PCDH15: variants seen among roughly 807,000 people sequenced by gnomAD.
PCDH15 encodes protocadherin related 15.
A neutral mutation model predicts 178.5 loss-of-function variants in PCDH15; 129 were observed. That is an observed-to-expected ratio of 0.72 (90% CI 0.63 to 0.84). The LOEUF (loss-of-function observed/expected upper bound fraction) is 0.84, where lower values mean the gene tolerates loss of function less well. PCDH15 is among the 40% of genes least tolerant of loss of function. The probability of loss-of-function intolerance (pLI) is 0.00; values close to 1 mark genes in which losing one functional copy is unlikely to be tolerated. For synonymous variants in PCDH15, 800 were observed against 732.0 expected (o/e 1.09, Z -1.50); for missense variants, 2,230 against 2,099.9 (o/e 1.06, Z -1.21).
At chr10:54,467,615 T>C (rs919986910) in intron 3 of PCDH15, among the ~76,000 whole-genome samples, 4 of 147,744 alleles carry the variant, frequency 2.7e-5, no homozygotes, top group Non-Finnish European at 4.5e-5. Flanking sequence ...TTTTTTTTTT[T>C]TTTTTTTTTT....
intron 8 of PCDH15, among the ~76,000 whole-genome samples, chr10:54,280,360 T>A (rs2058616877): frequency 6.6e-6 from 1 of 150,682 alleles, no homozygotes; most frequent in Non-Finnish European, 1.5e-5. Context: ...CACAACCGGG[T>A]GTCTCTATCT....
At chr10:54,058,151 C>T (rs1182245802) in intron 18 of PCDH15, among the ~76,000 whole-genome samples, 1 of 152,166 alleles carries the variant, frequency 6.6e-6, no homozygotes, top group African/African-American at 2.4e-5. Context: ...CTTCTGAGCC[C>T]TCCAAACTGT....
chr10:55,116,341 C>T (rs77249453), intron 2 of PCDH15, among the ~76,000 whole-genome samples: 4,963 of 152,164 alleles, frequency 0.033, 246 homozygotes, highest in East Asian at 0.14. Flanking sequence ...TTTGACTCAG[C>T]TATACATAAA....
At chr10:54,120,579 G>T (rs1315162416) in intron 15 of PCDH15, among the ~76,000 whole-genome samples, 1 of 152,064 alleles carries the variant, frequency 6.6e-6, no homozygotes, top group Non-Finnish European at 1.5e-5. Flanking sequence ...TCAAAGTAAA[G>T]AGATGGAGTA....
chr10:55,381,882 G>A (rs1248541723), intron 2 of PCDH15, among the ~76,000 whole-genome samples: 3 of 152,066 alleles, frequency 2.0e-5, no homozygotes, highest in Admixed American at 6.6e-5. Context: ...TACCCCTCAC[G>A]CTGATTGGCT....
intron 3 of PCDH15, among the ~76,000 whole-genome samples, chr10:54,506,646 C>T (rs551763690): frequency 1.3e-5 from 2 of 152,130 alleles, no homozygotes; most frequent in African/African-American, 4.8e-5. Context: ...AGACATTCTT[C>T]AGTTGACTAA....
intron 3 of PCDH15, among the ~76,000 whole-genome samples, chr10:54,421,693 TAC>T (rs1335935955): frequency 0.012 from 1,388 of 115,872 alleles, 73 homozygotes; most frequent in African/African-American, 0.043. Flanking sequence ...TATATATATA[TAC>T]ACACACACAC....
intron 1 of PCDH15, among the ~76,000 whole-genome samples, chr10:55,229,033 C>T (rs1841136631): frequency 6.6e-6 from 1 of 151,750 alleles, no homozygotes; most frequent in Non-Finnish European, 1.5e-5. Context: ...CATATTTTTC[C>T]TCAAGTATAG....
chr10:55,516,245 T>C (rs1043563763), intron 2 of PCDH15, among the ~76,000 whole-genome samples: 11 of 152,094 alleles, frequency 7.2e-5, no homozygotes, highest in African/African-American at 2.7e-4. Context: ...CAAGATCTGA[T>C]GAACTTATAA....
At chr10:55,491,311 C>T (rs1840410426) in intron 2 of PCDH15, among the ~76,000 whole-genome samples, 1 of 151,734 alleles carries the variant, frequency 6.6e-6, no homozygotes, top group African/African-American at 2.4e-5. Flanking sequence ...GCTTAATTCT[C>T]AGCAATCCTG....
At chr10:54,298,260 G>A (rs987532801) in intron 8 of PCDH15, among the ~76,000 whole-genome samples, 6 of 152,110 alleles carry the variant, frequency 3.9e-5, no homozygotes, top group African/African-American at 1.4e-4. Flanking sequence ...TACCCGATCA[G>A]CCACAGATAT....
At chr10:54,850,469 T>C (rs2131765033) in intron 3 of PCDH15, among the ~76,000 whole-genome samples, 1 of 152,134 alleles carries the variant, frequency 6.6e-6, no homozygotes, top group Middle Eastern at 3.4e-3. Context: ...GTCTGCAAAG[T>C]CCATTGTATC....
chr10:55,320,349 C>A (rs1843856488), upstream of PCDH15, among the ~76,000 whole-genome samples: 1 of 151,964 alleles, frequency 6.6e-6, no homozygotes, highest in East Asian at 1.9e-4. Context: ...TCCAAACCTC[C>A]CCACCCCAGT....
intron 37 of PCDH15, chr10:53,808,919 C>A (rs1407251147): frequency 6.4e-7 from 1 of 1,571,294 alleles, no homozygotes; most frequent in Non-Finnish European, 8.6e-7. Context: ...GCTTCAGGGT[C>A]TGTACTTTCT....
chr10:54,843,802 T>C (rs1953459203), intron 3 of PCDH15, among the ~76,000 whole-genome samples: 1 of 151,984 alleles, frequency 6.6e-6, no homozygotes, highest in Non-Finnish European at 1.5e-5. Flanking sequence ...AACAGTTCCC[T>C]GATACATCTT....
rs1216399043 is a variant in PCDH15, at chr10:53,813,315, C to CGCTTGCATTACTTCTT, written c.4492-1712_4492-1697dup. 3.3e-5 allele frequency among the ~76,000 whole-genome samples: 5 copies of CGCTTGCATTACTTCTT among 152,096 alleles called. No homozygotes were observed. The East Asian group carries it at 9.6e-4, about 29-fold the overall frequency. The stretch of plus-strand genomic sequence containing the variant: ...CTACCCTAGATCCTGTAGGTATTGA[C>CGCTTGCATTACTTCTT]GCTTGCATTACTTCTTCTATCTTAT... On this transcript the variant is annotated intron_variant, in intron 35 of 37. Coordinates refer to ENST00000644397, the MANE Select transcript of PCDH15 (RefSeq NM_001384140.1).
chr10:55,139,696 T>A (rs1838296073), intron 2 of PCDH15, among the ~76,000 whole-genome samples: 1 of 152,046 alleles, frequency 6.6e-6, no homozygotes, highest in African/African-American at 2.4e-5. Flanking sequence ...TGCTATACAT[T>A]AAGTATATAA....
intron 9 of PCDH15, among the ~76,000 whole-genome samples, chr10:54,215,382 G>A (rs989813353): frequency 1.3e-5 from 2 of 152,068 alleles, no homozygotes; most frequent in African/African-American, 4.8e-5. Context: ...CATTAAAACC[G>A]ACTGTAAAAT....
chr10:54,270,637 A>G (rs970149980), intron 8 of PCDH15, among the ~76,000 whole-genome samples: 1 of 152,148 alleles, frequency 6.6e-6, no homozygotes, highest in Admixed American at 6.6e-5. Flanking sequence ...GTGATGTTCC[A>G]CAATGATTCT....
Sources: allele counts gnomAD v4.1 joint callset (sites outside exome capture counted in the v4.1 genomes callset), GRCh38; gene constraint gnomAD v4.1.1; transcripts MANE v1.5; gene names NCBI Gene and HGNC (gene_info 2026-07-23, HGNC 2026-07-21).